Variants in SPON1 observed in about 807,000 individuals in gnomAD.
The protein encoded by SPON1 is spondin-1.
A neutral mutation model predicts 111.7 loss-of-function variants in SPON1; 52 were observed. The observed-to-expected ratio is 0.47, with a 90% CI of 0.37 to 0.59. SPON1 has a LOEUF of 0.59. Among genes scored for constraint, SPON1 ranks in the 20% least tolerant of loss-of-function variants. The probability of loss-of-function intolerance (pLI) is 0.00; values close to 1 mark genes in which losing one functional copy is unlikely to be tolerated. For missense variants in SPON1, 957 were observed against 1,068.5 expected, an observed-to-expected ratio of 0.90 and a Z score of 1.46; for synonymous variants, 410 against 395.8, an observed-to-expected ratio of 1.04 and a Z score of -0.43.
At chr11:14,204,854 T>G (rs1329391436) in intron 6 of SPON1, among the ~76,000 whole-genome samples, 1 of 151,952 alleles carries the variant, frequency 6.6e-6, no homozygotes, top group Non-Finnish European at 1.5e-5. Context: ...CCGGCTAATT[T>G]TTTTTGTATT....
intron 6 of SPON1, among the ~76,000 whole-genome samples, chr11:14,183,206 C>T (rs1475948553): frequency 6.6e-6 from 1 of 152,114 alleles, no homozygotes; most frequent in Non-Finnish European, 1.5e-5. Flanking sequence ...TTTCAAATTA[C>T]TTTCTTGTCT....
At chr11:14,146,928 C>T (rs1373205707) in intron 6 of SPON1, among the ~76,000 whole-genome samples, 3 of 151,158 alleles carry the variant, frequency 2.0e-5, no homozygotes, top group African/African-American at 4.9e-5. Flanking sequence ...ATACCTTAAT[C>T]CTGGAACCAA....
chr11:14,241,558 C>G (rs549475660), intron 6 of SPON1, among the ~76,000 whole-genome samples: 1 of 152,170 alleles, frequency 6.6e-6, no homozygotes, highest in South Asian at 2.1e-4. Flanking sequence ...GGCTCAGGCA[C>G]GCCTGAGCTG....
intron 6 of SPON1, among the ~76,000 whole-genome samples, chr11:14,238,172 G>A (rs1281893553): frequency 2.6e-5 from 4 of 152,148 alleles, no homozygotes; most frequent in African/African-American, 9.7e-5. Context: ...TTTTATTATT[G>A]TTGCTGTTTC....
intron 2 of SPON1, among the ~76,000 whole-genome samples, chr11:14,031,618 A>G (rs78128880): frequency 0.011 from 1,685 of 151,798 alleles, 32 homozygotes; most frequent in African/African-American, 0.039. Flanking sequence ...CATGGAGAAA[A>G]GGCTAGAAGG....
intron 6 of SPON1, among the ~76,000 whole-genome samples, chr11:14,186,892 G>A (rs992113572): frequency 2.0e-5 from 3 of 152,212 alleles, no homozygotes; most frequent in Non-Finnish European, 4.4e-5. Context: ...TTTTGCAGGA[G>A]AGGAAACTGA....
At chr11:13,976,137 T>C (rs980736831) in intron 1 of SPON1, among the ~76,000 whole-genome samples, 1 of 152,224 alleles carries the variant, frequency 6.6e-6, no homozygotes, top group Non-Finnish European at 1.5e-5. Context: ...ACATAAGTGG[T>C]AGCTCTGGGA....
rs1849162444 is a variant in SPON1, at chr11:14,260,763, G to A, written c.1996+11G>A. 4 of 1,611,662 alleles carry A rather than the reference G, an allele frequency of 2.5e-6. No homozygotes were observed. Among genetic ancestry groups the A allele is most frequent in the Non-Finnish European group, 3.4e-6 (4 of 1,178,628 alleles). Reference sequence around the variant, plus strand: ...TGCTCCCTGAATGCCGTAAGTCCTGGAGCTCCTCAAGGCCCATCACTTCTA... The same window carrying A: ...TGCTCCCTGAATGCCGTAAGTCCTGAAGCTCCTCAAGGCCCATCACTTCTA... On this transcript the variant is annotated intron_variant, in intron 14 of 15. Transcript: ENST00000576479.
In SPON1 at chr11:14,262,827, A is replaced by C; in HGVS notation, c.2112A>C (p.Ala704=). Residue 704 remains alanine, a synonymous_variant, in exon 15 of 16, where the codon GCA becomes GCC. Transcript: ENST00000576479. ...MIQMEPQFGG[A]PCPETVQRKK... is the part of the protein sequence containing the mutation. The stretch of plus-strand genomic sequence containing the variant: ...AAATGGAGCCTCAGTTTGGAGGTGC[A>C]CCCTGCCCAGAGACTGTGCAGCGAA... 6.2e-7 allele frequency: 1 copy of C among 1,613,862 alleles called. No homozygotes were observed. The highest frequency in any genetic ancestry group is 1.1e-5 in the South Asian group (1 of 91,072).
At chr11:14,084,841 C>A (rs1181195286) in intron 5 of SPON1, among the ~76,000 whole-genome samples, 6 of 152,198 alleles carry the variant, frequency 3.9e-5, no homozygotes, top group African/African-American at 1.2e-4. Context: ...GATCACTATT[C>A]TAACTGGCAT....
chr11:14,100,235 T>A (rs1554924266), intron 5 of SPON1, among the ~76,000 whole-genome samples: 6 of 152,128 alleles, frequency 3.9e-5, no homozygotes, highest in Non-Finnish European at 8.8e-5. Flanking sequence ...TGTTACCTAG[T>A]GACACACAAG....
At chr11:14,205,095 G>A (rs12288079) in intron 6 of SPON1, among the ~76,000 whole-genome samples, 2,643 of 152,184 alleles carry the variant, frequency 0.017, 77 homozygotes, top group African/African-American at 0.06. Context: ...GTTTCCTTCC[G>A]TTCCATTTGC....
At chr11:14,040,691 T>G (rs1848625191) in intron 2 of SPON1, among the ~76,000 whole-genome samples, 1 of 152,106 alleles carries the variant, frequency 6.6e-6, no homozygotes, top group Admixed American at 6.6e-5. Flanking sequence ...GATAAAGCAC[T>G]TAACTTAGTG....
chr11:14,155,348 A>G (rs1478037402), intron 6 of SPON1, among the ~76,000 whole-genome samples: 1 of 152,170 alleles, frequency 6.6e-6, no homozygotes, highest in African/African-American at 2.4e-5. Flanking sequence ...ATTGGCTCAC[A>G]GTTCCACAGG....
At chr11:14,130,413 C>T (rs1847515284) in intron 5 of SPON1, among the ~76,000 whole-genome samples, 1 of 152,126 alleles carries the variant, frequency 6.6e-6, no homozygotes, top group South Asian at 2.1e-4. Context: ...AATGACATAA[C>T]AATAGTTAAC....
At chr11:14,130,427 T>C (rs1196459758) in intron 5 of SPON1, among the ~76,000 whole-genome samples, 2 of 152,166 alleles carry the variant, frequency 1.3e-5, no homozygotes, top group Non-Finnish European at 2.9e-5. Context: ...AGTTAACATG[T>C]ATTAGGCTGA....
intron 5 of SPON1, among the ~76,000 whole-genome samples, chr11:14,124,948 A>T (rs1218566529): frequency 3.9e-5 from 6 of 152,232 alleles, no homozygotes; most frequent in Non-Finnish European, 7.3e-5. Context: ...GGAAAAAAAG[A>T]CAGTGGAGTG....
intron 1 of SPON1, among the ~76,000 whole-genome samples, chr11:13,965,764 A>AT (rs1392381035): frequency 6.6e-6 from 1 of 152,204 alleles, no homozygotes; most frequent in Non-Finnish European, 1.5e-5. Flanking sequence ...AGTTTGTGAC[A>AT]TTTTCTGTTG....
intron 6 of SPON1, among the ~76,000 whole-genome samples, chr11:14,167,174 T>C (rs1206261200): frequency 6.6e-6 from 1 of 152,172 alleles, no homozygotes; most frequent in African/African-American, 2.4e-5. Flanking sequence ...TATTTGATGA[T>C]GCTTCCTGTA....
Sources: gnomAD v4.1 joint callset for allele counts (sites outside exome capture counted in the v4.1 genomes callset) on GRCh38, gnomAD v4.1.1 for gene constraint, MANE v1.5 for transcripts, NCBI Gene and HGNC (gene_info 2026-07-23, HGNC 2026-07-21) for gene names.